The following SYTL4 variants were observed in gnomAD, a reference collection of about 807,000 sequenced individuals.
The protein encoded by SYTL4 is synaptotagmin like 4.
A neutral mutation model predicts 52.7 loss-of-function variants in SYTL4; 16 were observed. That is an observed-to-expected ratio of 0.30 (90% CI 0.21 to 0.46). SYTL4 has a LOEUF of 0.46. SYTL4 is among the 20% of genes least tolerant of loss of function. The pLI is 1.00. For synonymous variants in SYTL4, 160 were observed against 186.6 expected, an observed-to-expected ratio of 0.86 and a Z score of 1.16; for missense variants, 423 against 519.9, an observed-to-expected ratio of 0.81 and a Z score of 1.81.
intron 2 of SYTL4, among the ~76,000 whole-genome samples, chrX:100,721,738 T>C (rs1345423881): frequency 2.7e-5 from 3 of 111,474 alleles, no homozygotes; most frequent in Admixed American, 9.5e-5. Context: ...TAGACCCTTC[T>C]GCTTTCACCT....
chrX:100,690,344 CA>C (rs1449062718), intron 10 of SYTL4, among the ~76,000 whole-genome samples, 179 bp from the exon 11 acceptor site: 1 of 110,919 alleles, frequency 9.0e-6, no homozygotes, highest in East Asian at 2.8e-4. Context: ...ACATTTCAAA[CA>C]AAACTTCAGA....
At chrX:100,710,464 C>A (rs1225219455) in intron 2 of SYTL4, among the ~76,000 whole-genome samples, 1 of 111,752 alleles carries the variant, frequency 8.9e-6, no homozygotes, top group African/African-American at 3.3e-5. Flanking sequence ...GGTGTCTACA[C>A]TTTTTTCGAA....
chrX:100,691,165 A>T lies in SYTL4; in HGVS notation c.584T>A (p.Leu195Ter). 8.3e-7 allele frequency: 1 copy of T among 1,209,395 alleles called. No individual in the cohort carries two copies. The highest frequency in any genetic ancestry group is 1.1e-6 in the Non-Finnish European group (1 of 894,389). The change falls in exon 9 of 20, where the codon TTG becomes TAG. Residue 195 changes from leucine (L) to a stop codon, truncating the protein, a stop_gained. Coordinates refer to ENST00000372989, the MANE Select transcript of SYTL4 (RefSeq NM_001370165.1). LOFTEE classifies it high-confidence loss of function. ...VPKLKSGKSA[L>*]EAESESLDSF... ...ATCCAGACTCTCACTCTCAGCTTCCAATGCACTCTTTCCACTTTTCAGCTT... is the reference window on the plus strand; with the variant it reads ...ATCCAGACTCTCACTCTCAGCTTCCTATGCACTCTTTCCACTTTTCAGCTT...
At chrX:100,698,228 C>G (rs371312710) in intron 8 of SYTL4, among the ~76,000 whole-genome samples, 12 of 109,342 alleles carry the variant, frequency 1.1e-4, no homozygotes, top group South Asian at 4.4e-4. Context: ...TCAGTCTCCC[C>G]AGCAGCTGGG....
At chrX:100,711,876 G>A (rs1402715144) in intron 2 of SYTL4, among the ~76,000 whole-genome samples, 1 of 109,232 alleles carries the variant, frequency 9.2e-6, no homozygotes, top group Non-Finnish European at 1.9e-5. Context: ...GGTGGGGTGG[G>A]GTTGGGGTCT....
Position 100,702,114 on chromosome X carries a change from T to TTAGTTCTTTTGTCATTTCAG in SYTL4, c.-70-8_-70-7insCTGAAATGACAAAAGAACTA. On this transcript the variant is annotated splice_region_variant and splice_polypyrimidine_tract_variant and intron_variant, in intron 4 of 19. Coordinates refer to ENST00000372989, the MANE Select transcript of SYTL4 (RefSeq NM_001370165.1). ...GGAGAGCTACCAGAGTTGCCTGAAA[T>TTAGTTCTTTTGTCATTTCAG]GACAAAAGAACTAATTTCACACAGA... The TTAGTTCTTTTGTCATTTCAG allele has an allele frequency of 1.4e-6, 1 of 722,531 alleles. No homozygotes were observed. The highest frequency in any genetic ancestry group is 2.1e-6 in the Non-Finnish European group (1 of 484,035). 59.5% of individuals were successfully genotyped at this position (722,531 alleles called of 1,213,427 possible).
chrX:100,723,801 C>T (rs1268131138), intron 2 of SYTL4, among the ~76,000 whole-genome samples: 3 of 107,786 alleles, frequency 2.8e-5, no homozygotes, highest in East Asian at 3.0e-4. Flanking sequence ...GGAGTCCCTC[C>T]GCCCGGCAGC....
intron 2 of SYTL4, among the ~76,000 whole-genome samples, chrX:100,729,429 G>C (rs753571466): frequency 9.1e-6 from 1 of 110,125 alleles, no homozygotes; most frequent in East Asian, 2.9e-4. Flanking sequence ...GTAGGGAAAG[G>C]GCATATGGAA....
intron 8 of SYTL4, among the ~76,000 whole-genome samples, chrX:100,691,834 G>A (rs1000632049): frequency 4.5e-5 from 5 of 111,178 alleles, no homozygotes; most frequent in Non-Finnish European, 9.4e-5. Context: ...CACCACACCC[G>A]GCCCTCAGTA....
chrX:100,728,046 A>G (rs1162628221), intron 2 of SYTL4, among the ~76,000 whole-genome samples: 1 of 111,922 alleles, frequency 8.9e-6, no homozygotes, highest in East Asian at 2.8e-4. Context: ...GTCTAGACAG[A>G]TGTTCTTCAA....
intron 2 of SYTL4, among the ~76,000 whole-genome samples, chrX:100,710,142 T>C (rs16983589): frequency 0.13 from 14,523 of 111,347 alleles, 2,253 homozygotes; most frequent in African/African-American, 0.45. Context: ...TATATGATGG[T>C]TTTGCAAATA....
intron 9 of SYTL4, 73 bp from the exon 10 acceptor site, chrX:100,690,711 A>C: frequency 1.2e-6 from 1 of 814,702 alleles, no homozygotes; most frequent in Non-Finnish European, 1.8e-6. Context: ...TCAAAGCTCT[A>C]TGGAAGGAGA....
chrX:100,724,104 C>T (rs2084436301), intron 2 of SYTL4, among the ~76,000 whole-genome samples: 1 of 90,180 alleles, frequency 1.1e-5, no homozygotes, highest in African/African-American at 4.5e-5. Context: ...AAGTGAGGAG[C>T]CCCTCTGCCC....
intron 17 of SYTL4, among the ~76,000 whole-genome samples, chrX:100,680,306 T>C (rs754152673): frequency 2.3e-4 from 26 of 111,589 alleles, no homozygotes; most frequent in African/African-American, 6.8e-4. Context: ...ATCTCTCTGG[T>C]TCTATACTTG....
At chrX:100,724,028 C>G (rs1336303999) in intron 2 of SYTL4, among the ~76,000 whole-genome samples, 2 of 95,387 alleles carry the variant, frequency 2.1e-5, no homozygotes, top group Admixed American at 1.1e-4. Flanking sequence ...GGGGGTCAGC[C>G]CCCCGCCCAG....
At chrX:100,706,814 C>T (rs2083966211) in intron 2 of SYTL4, among the ~76,000 whole-genome samples, 1 of 110,580 alleles carries the variant, frequency 9.0e-6, no homozygotes, top group South Asian at 3.8e-4. Context: ...AAAGATATAC[C>T]AGGTAAATGC....
intron 19 of SYTL4, among the ~76,000 whole-genome samples, chrX:100,676,739 C>T (rs1456943002): frequency 9.0e-6 from 1 of 111,621 alleles, no homozygotes; most frequent in Non-Finnish European, 1.9e-5. Context: ...CCTGCCTCAG[C>T]CTCCCAAAGT....
At chrX:100,676,249 C>T in intron 19 of SYTL4, 73 bp from the exon 20 acceptor site, 1 of 1,089,769 alleles carries the variant, frequency 9.2e-7, no homozygotes, top group East Asian at 3.0e-5. Flanking sequence ...GGTTGTACAG[C>T]AAGATTAGCC....
chrX:100,701,369 T>C, intron 6 of SYTL4, 40 bp from the exon 7 acceptor site: 3 of 1,177,592 alleles, frequency 2.5e-6, no homozygotes, highest in South Asian at 3.6e-5. Context: ...GGATAAAGAA[T>C]GGTTCTTGTC....
Sources: allele counts gnomAD v4.1 joint callset (sites outside exome capture counted in the v4.1 genomes callset), GRCh38; gene constraint gnomAD v4.1.1; transcripts MANE v1.5; gene names NCBI Gene and HGNC (gene_info 2026-07-23, HGNC 2026-07-21).